PDE4DIP: variants seen among roughly 807,000 people sequenced by gnomAD.
PDE4DIP encodes myomegalin.
PDE4DIP carries 59 observed loss-of-function variants against 221.4 expected under a neutral mutation model. The ratio of observed to expected loss-of-function variants is 0.27; its 90% CI spans 0.22 to 0.33. The LOEUF (loss-of-function observed/expected upper bound fraction) is 0.33. Ranked by LOEUF, PDE4DIP falls within the 10% of genes least tolerant of loss-of-function variation. The pLI is 1.00. For missense variants in PDE4DIP, 1,036 were observed against 2,154.2 expected (o/e 0.48, Z 10.28); for synonymous variants, 404 against 815.9 (o/e 0.50, Z 8.60).
intron 37 of PDE4DIP, among the ~76,000 whole-genome samples, chr1:149,023,936 GAGAGAGAGAGAGAA>G (rs1182333288): frequency 1.3e-4 from 19 of 145,256 alleles, no homozygotes; most frequent in African/African-American, 4.1e-4. Flanking sequence ...CATATATATA[GAGAGAGAGAGAGAA>G]AGAGAGAGAG....
chr1:148,930,289 G>C (rs1420313131), intron 2 of PDE4DIP: 1 of 152,096 alleles, frequency 6.6e-6, no homozygotes, highest in African/African-American at 2.4e-5. Flanking sequence ...CGAGGTGGGT[G>C]GATCACGAGG....
At chr1:148,950,855 GC>G (rs1553487017) in intron 5 of PDE4DIP, among the ~76,000 whole-genome samples, 1 of 144,012 alleles carries the variant, frequency 6.9e-6, no homozygotes, top group Non-Finnish European at 1.5e-5. Flanking sequence ...CACCTACTAA[GC>G]CCAAAGCTCT....
In PDE4DIP at chr1:149,010,573, G is replaced by A. The variant is rs782463681; in HGVS notation, c.5058G>A (p.Lys1686=). Residue 1686 remains lysine (K), a synonymous_variant, in exon 31 of 44, where the codon AAG becomes AAA. Transcript: ENST00000369354. ...TGCCAACTCCCCAGAATACCCCCAA[G>A]GAGGCCAACCAGGCCCATTCAGGTA... is the stretch of plus-strand genomic sequence containing the variant. 1.8e-5 allele frequency: 29 copies of A among 1,613,970 alleles called. No individual in the cohort carries two copies. In the South Asian group the frequency reaches 3.1e-4, roughly 17 times the overall value.
chr1:148,882,285 T>C (rs587696976), intron 3 of PDE4DIP, among the ~76,000 whole-genome samples: 3 of 149,310 alleles, frequency 2.0e-5, no homozygotes, highest in African/African-American at 7.5e-5. Flanking sequence ...ACCCTTCCCA[T>C]AGGGCTGTTT....
chr1:148,885,910 A>T (rs1553430263), upstream of PDE4DIP, among the ~76,000 whole-genome samples: 1 of 108,466 alleles, frequency 9.2e-6, no homozygotes, highest in African/African-American at 3.4e-5. Flanking sequence ...ATATACTATA[A>T]TGTAGAATAT....
At chr1:148,919,359 G>C (rs1340174258) in intron 1 of PDE4DIP, among the ~76,000 whole-genome samples, 1 of 151,460 alleles carries the variant, frequency 6.6e-6, no homozygotes, top group African/African-American at 2.5e-5. Flanking sequence ...GTCACACAGG[G>C]AGTTAATGTT....
intron 1 of PDE4DIP, among the ~76,000 whole-genome samples, chr1:148,858,323 A>T (rs1470210666): frequency 1.4e-5 from 1 of 70,036 alleles, no homozygotes. Flanking sequence ...AAAAATAGCA[A>T]TGAAGGCCCA....
At chr1:148,953,935 T>C (rs782756280) in intron 5 of PDE4DIP, 4 of 1,551,404 alleles carry the variant, frequency 2.6e-6, no homozygotes, top group Non-Finnish European at 3.5e-6. Flanking sequence ...AGTGCCTTTC[T>C]GATTATAGCT....
At chr1:149,023,651 T>G (rs1483711959) in intron 37 of PDE4DIP, among the ~76,000 whole-genome samples, 1 of 124,888 alleles carries the variant, frequency 8.0e-6, no homozygotes, top group Non-Finnish European at 1.7e-5. Context: ...CATATATATG[T>G]ACATGTATAT....
At chr1:148,975,342 G>A (rs1164689643) in intron 17 of PDE4DIP, among the ~76,000 whole-genome samples, 1 of 145,938 alleles carries the variant, frequency 6.9e-6, no homozygotes, top group Non-Finnish European at 1.5e-5. Context: ...GCAATGTACT[G>A]TGCTAGGTAT....
At chr1:148,925,706 A>C (rs1229078770) in intron 1 of PDE4DIP, among the ~76,000 whole-genome samples, 2 of 151,618 alleles carry the variant, frequency 1.3e-5, no homozygotes, top group African/African-American at 2.4e-5. Context: ...AGCTGTGTGC[A>C]AGGCATTGTT....
intron 1 of PDE4DIP, among the ~76,000 whole-genome samples, chr1:148,838,022 CT>C (rs1371993296): frequency 4.2e-5 from 1 of 23,812 alleles, no homozygotes; most frequent in Non-Finnish European, 8.5e-5. Context: ...AGCCGTTCTT[CT>C]TTTTCCCTAA....
Position 148,892,514 on chromosome 1 carries a change from G to A in PDE4DIP, c.141+2620G>A, listed in dbSNP as rs1174178609. Among the ~76,000 whole-genome samples the A allele has an allele frequency of 2.5e-4, 30 of 121,558 alleles. 9 individuals are homozygous for A. The highest frequency in any genetic ancestry group is 9.9e-4 in the African/African-American group (29 of 29,326). 79.7% of individuals were successfully genotyped at this position (121,558 alleles called of 152,430 possible). A position where few individuals can be genotyped will look rare whatever the true frequency, so the allele number is the denominator to read the frequency against. On this transcript the variant is annotated intron_variant, in intron 1 of 43. Coordinates refer to ENST00000369354, the Ensembl canonical transcript of PDE4DIP. ...ACAGCCTATTGTCACATGCAGAGAG[G>A]ACAACCCTTTTGCTGGACTCTAGTA...
intron 32 of PDE4DIP, among the ~76,000 whole-genome samples, chr1:149,014,991 G>A (rs1194265267): frequency 5.3e-5 from 8 of 151,352 alleles, no homozygotes; most frequent in Non-Finnish European, 1.0e-4. Flanking sequence ...TGTTCGGATG[G>A]GGTTGAAGGC....
chr1:148,984,093 T>A (rs1367770504), intron 21 of PDE4DIP: 2 of 152,086 alleles, frequency 1.3e-5, no homozygotes, highest in Non-Finnish European at 2.9e-5. Context: ...GTTTATAGTA[T>A]TGAAAATTTG....
In PDE4DIP at chr1:148,996,824, T is replaced by C. The variant is rs374549737; in HGVS notation, c.2905-1319T>C. On this transcript the variant is annotated intron_variant, in intron 22 of 43. Transcript: ENST00000369354. ...GTGACCTGAATGGAGATATAAAGCATATAATTAATTCTACAAGTTATCCCC... is the reference window on the plus strand; with the variant it reads ...GTGACCTGAATGGAGATATAAAGCACATAATTAATTCTACAAGTTATCCCC... Among the ~76,000 whole-genome samples the C allele has an allele frequency of 5.1e-3, 770 of 152,310 alleles. 3 individuals carry two copies. Among genetic ancestry groups the C allele is most frequent in the Admixed American group, 8.6e-3 (131 of 15,300 alleles).
intron 23 of PDE4DIP, among the ~76,000 whole-genome samples, chr1:148,999,587 T>C (rs1166255915): frequency 6.6e-6 from 1 of 152,098 alleles, no homozygotes; most frequent in East Asian, 1.9e-4. Context: ...TAAGTGCTGA[T>C]TCTTTTGCTC....
At chr1:148,981,346 G>C (rs1414700227) in exon 21 of PDE4DIP, 1 of 1,613,926 alleles carries the variant, frequency 6.2e-7, no homozygotes, top group African/African-American at 1.3e-5. Context: ...AGAAGTTCTT[G>C]GAAGAAGCTT....
In PDE4DIP at chr1:148,967,606, C is replaced by G. The variant is rs2058427431; in HGVS notation, c.1606-120C>G. The G allele has an allele frequency of 1.1e-5, 7 of 623,392 alleles. No individual in the cohort carries two copies. In the South Asian group the frequency reaches 1.5e-4, roughly 13 times the overall value. 38.6% of individuals were successfully genotyped at this position (623,392 alleles called of 1,614,324 possible). On this transcript the variant is annotated intron_variant, in intron 12 of 43. Transcript: ENST00000369354. Reference sequence around the variant, plus strand: ...TATGGCATTGTTAGATCAATGTTCTCATCTTGCAAATAAAAAAAAATTGAT... The same window carrying G: ...TATGGCATTGTTAGATCAATGTTCTGATCTTGCAAATAAAAAAAAATTGAT...
Sources: gnomAD v4.1 joint callset for allele counts (sites outside exome capture counted in the v4.1 genomes callset) on GRCh38, gnomAD v4.1.1 for gene constraint, MANE v1.5 for transcripts, NCBI Gene and HGNC (gene_info 2026-07-23, HGNC 2026-07-21) for gene names.